The following ALPK2 variants were observed in gnomAD, a reference collection of about 807,000 sequenced individuals.
ALPK2 encodes alpha kinase 2.
ALPK2 carries 127 observed loss-of-function variants against 163.1 expected under a neutral mutation model. That is an observed-to-expected ratio of 0.78 (90% CI 0.67 to 0.90). The LOEUF is 0.90. Ranked by LOEUF, ALPK2 falls within the 40% of genes least tolerant of loss-of-function variation. ALPK2 has a pLI of 0.00. For missense variants in ALPK2, 2,360 were observed against 2,589.6 expected (o/e 0.91, Z 1.92); for synonymous variants, 953 against 959.1 (o/e 0.99, Z 0.12).
chr18:58,570,946 G>A (rs1186119944), intron 4 of ALPK2, among the ~76,000 whole-genome samples: 1 of 152,148 alleles, frequency 6.6e-6, no homozygotes, highest in Non-Finnish European at 1.5e-5. Context: ...TGTTTTCCTG[G>A]CCACTGGTAA....
At chr18:58,551,328 G>A (rs1343195293) in intron 4 of ALPK2, among the ~76,000 whole-genome samples, 1 of 152,104 alleles carries the variant, frequency 6.6e-6, no homozygotes, top group East Asian at 1.9e-4. Flanking sequence ...GCTTCTGGTG[G>A]CTCCTGGCCA....
intron 4 of ALPK2, among the ~76,000 whole-genome samples, chr18:58,540,099 G>A (rs2051682499): frequency 6.6e-6 from 1 of 152,308 alleles, no homozygotes; most frequent in African/African-American, 2.4e-5. Flanking sequence ...ACAGGCAAAT[G>A]CTCATCTACA....
Position 58,535,176 on chromosome 18 carries a change from C to T in ALPK2, c.5011G>A (p.Asp1671Asn), listed in dbSNP as rs778867580. The T allele has an allele frequency of 6.2e-7, 1 of 1,614,080 alleles. No individual in the cohort carries two copies. Among genetic ancestry groups the T allele is most frequent in the Non-Finnish European group, 8.5e-7 (1 of 1,180,022 alleles). The change falls in exon 5 of 13, where the codon GAT (aspartate) becomes AAT (asparagine). Residue 1671 changes from aspartate to asparagine, a missense_variant. Coordinates refer to ENST00000361673, the MANE Select transcript of ALPK2 (RefSeq NM_052947.4). ...ELEKAPKLLQ[D>N]PCQKGTLGCA... The stretch of plus-strand genomic sequence containing the variant: ...CCCAGGGTGCCCTTTTGACATGGAT[C>T]CTGCAGTAATTTAGGGGCTTTCTCT...
At chr18:58,626,817 T>C (rs1361406400) in intron 1 of ALPK2, among the ~76,000 whole-genome samples, 1 of 144,892 alleles carries the variant, frequency 6.9e-6, no homozygotes, top group East Asian at 2.0e-4. Context: ...ATTGCACTGA[T>C]GCAGATAATG....
chr18:58,548,008 C>T (rs1363578697), intron 4 of ALPK2, among the ~76,000 whole-genome samples: 2 of 152,098 alleles, frequency 1.3e-5, no homozygotes, highest in Non-Finnish European at 2.9e-5. Flanking sequence ...TAGCAATTAC[C>T]ACACTGCAAT....
At position 58,535,419 on chromosome 18, in the gene ALPK2, T is replaced by C; in HGVS notation, c.4768A>G (p.Thr1590Ala). 6.2e-7 allele frequency: 1 copy of C among 1,614,184 alleles called. No individual in the cohort carries two copies. Among genetic ancestry groups the C allele is most frequent in the Non-Finnish European group, 8.5e-7 (1 of 1,180,014 alleles). The change falls in exon 5 of 13, where the codon ACT becomes GCT. Residue 1590 changes from threonine to alanine, a missense_variant. Physicochemically the swap from Thr to Ala is moderately conservative, Grantham distance 58 (BLOSUM62 0). Coordinates refer to ENST00000361673, the MANE Select transcript of ALPK2 (RefSeq NM_052947.4). Reference protein sequence around the residue: ...YVFPVSQKRGTIENERGKPLP... With the variant: ...YVFPVSQKRGAIENERGKPLP... ...GGTTTCCCACGCTCATTCTCAATAG[T>C]TCCCCTTTTCTGTGAAACAGGAAAC...
chr18:58,602,725 A>C (rs1465736776), intron 3 of ALPK2, among the ~76,000 whole-genome samples: 1 of 152,166 alleles, frequency 6.6e-6, no homozygotes, highest in Non-Finnish European at 1.5e-5. Flanking sequence ...CATTCCCAGG[A>C]GGTTAGGCAT....
rs375169016 is a variant in ALPK2 at position 58,579,457 on chromosome 18, G to A, written c.1319C>T (p.Thr440Met). 4.8e-5 allele frequency: 78 copies of A among 1,614,074 alleles called. 1 individual carries two copies. Among genetic ancestry groups the A allele is most frequent in the Admixed American group, 3.0e-4 (18 of 60,010 alleles). ...TCTCCCCTGTTCTGTCACTGAAGAC[G>A]TTCCATCCTGGTGAGGTCCCAAAAT... is the stretch of plus-strand genomic sequence containing the variant. ...TLILGPHQDG[T>M]SSVTEQGRYK... Residue 440 changes from threonine to methionine, a missense_variant, in exon 4 of 13, where the codon ACG becomes ATG. By Grantham distance (81) the Thr-to-Met change is moderately conservative. Coordinates refer to ENST00000361673, the MANE Select transcript of ALPK2 (RefSeq NM_052947.4).
At chr18:58,512,409 T>C (rs2051494769) in intron 10 of ALPK2, 1 of 152,186 alleles carries the variant, frequency 6.6e-6, no homozygotes, top group African/African-American at 2.4e-5. Flanking sequence ...ACATGCTCCG[T>C]TAAAAAAGGC....
chr18:58,617,830 T>C (rs142478605), intron 1 of ALPK2, among the ~76,000 whole-genome samples: 5 of 152,348 alleles, frequency 3.3e-5, no homozygotes, highest in African/African-American at 1.2e-4. Flanking sequence ...TAAGGCTCTC[T>C]ATCAGCTTTT....
intron 4 of ALPK2, among the ~76,000 whole-genome samples, chr18:58,539,142 G>T (rs1251164003): frequency 6.6e-6 from 1 of 152,162 alleles, no homozygotes; most frequent in Admixed American, 6.5e-5. Flanking sequence ...CAGAGAGAAG[G>T]CTGCCTTTGA....
chr18:58,529,485 A>G (rs1568075499), intron 5 of ALPK2, among the ~76,000 whole-genome samples: 1 of 152,228 alleles, frequency 6.6e-6, no homozygotes, highest in Non-Finnish European at 1.5e-5. Context: ...GCTTAAAGTG[A>G]AATAGAACTT....
chr18:58,560,329 G>A (rs2051819347), intron 4 of ALPK2, among the ~76,000 whole-genome samples: 1 of 152,198 alleles, frequency 6.6e-6, no homozygotes, highest in Admixed American at 6.5e-5. Context: ...CAGCCATGTG[G>A]AACTATGTAT....
At chr18:58,586,046 A>C (rs1014756846) in intron 3 of ALPK2, among the ~76,000 whole-genome samples, 1 of 152,220 alleles carries the variant, frequency 6.6e-6, no homozygotes, top group Non-Finnish European at 1.5e-5. Flanking sequence ...CACATTGGTC[A>C]TTTGGAAAAA....
intron 4 of ALPK2, among the ~76,000 whole-genome samples, chr18:58,570,881 C>T (rs2051882433): frequency 1.3e-5 from 2 of 152,202 alleles, no homozygotes. Context: ...GTCCTACAGG[C>T]TGATGGGGGC....
chr18:58,535,441 A>C lies in ALPK2; in HGVS notation c.4746T>G (p.Phe1582Leu). ...IVEPRKRQYV[F>L]PVSQKRGTIE... ...TAGTTCCCCTTTTCTGTGAAACAGG[A>C]AACACATACTGACGCTTTCTGGGCT... is the stretch of plus-strand genomic sequence containing the variant. Residue 1582 changes from phenylalanine (F) to leucine (L), a missense_variant, in exon 5 of 13, where the codon TTT becomes TTG. Physicochemically the swap from Phe to Leu is conservative, Grantham distance 22 (BLOSUM62 0). Coordinates refer to ENST00000361673, the MANE Select transcript of ALPK2 (RefSeq NM_052947.4). The C allele has an allele frequency of 1.9e-6, 3 of 1,614,210 alleles. No homozygotes were observed. The highest frequency in any genetic ancestry group is 2.5e-6 in the Non-Finnish European group (3 of 1,180,018).
intron 3 of ALPK2, among the ~76,000 whole-genome samples, chr18:58,595,658 C>T (rs2052037130): frequency 6.6e-6 from 1 of 152,094 alleles, no homozygotes; most frequent in South Asian, 2.1e-4. Context: ...TGGATTTGAC[C>T]AATTAAAACA....
At position 58,481,931 on chromosome 18, in the gene ALPK2, GT is replaced by G; in HGVS notation, c.6404del (p.Asn2135ThrfsTer21). 6.2e-7 allele frequency: 1 copy of G among 1,614,154 alleles called. No homozygotes were observed. Among genetic ancestry groups the G allele is most frequent in the Non-Finnish European group, 8.5e-7 (1 of 1,180,010 alleles). ...TCGGCTGCTTCTGTTTCTGGTTGTT[GT>G]TTTGAAGGGATTTCAGTCCCAGCAT... ...CKMLGLKSLQ[N>X]NNQKQKQPSI... is the part of the protein sequence containing the mutation. On this transcript the variant is annotated frameshift_variant, in exon 13 of 13. Transcript: ENST00000361673. LOFTEE classifies it low-confidence loss of function (END_TRUNC).
chr18:58,589,763 T>C (rs928000604), intron 3 of ALPK2, among the ~76,000 whole-genome samples: 3 of 152,162 alleles, frequency 2.0e-5, no homozygotes, highest in Non-Finnish European at 4.4e-5. Flanking sequence ...TCAGTAATCT[T>C]GTGTGGCCTG....
Sources: allele counts gnomAD v4.1 joint callset (sites outside exome capture counted in the v4.1 genomes callset), GRCh38; gene constraint gnomAD v4.1.1; transcripts MANE v1.5; gene names NCBI Gene and HGNC (gene_info 2026-07-23, HGNC 2026-07-21).